The following UBE2H variants were observed in gnomAD, a reference collection of about 807,000 sequenced individuals.
UBE2H encodes the protein ubiquitin-conjugating enzyme E2 H.
Under a neutral mutation model 29.0 loss-of-function variants are expected in UBE2H, and 3 were observed. The observed-to-expected ratio is 0.10, with a 90% CI of 0.05 to 0.27. The LOEUF (loss-of-function observed/expected upper bound fraction) is 0.27, where lower values mean the gene tolerates loss of function less well. Among genes scored for constraint, UBE2H ranks in the 10% least tolerant of loss-of-function variants. The pLI is 1.00. For missense variants in UBE2H, 68 were observed against 228.2 expected, an observed-to-expected ratio of 0.30 and a Z score of 4.52; for synonymous variants, 69 against 82.9, an observed-to-expected ratio of 0.83 and a Z score of 0.91.
chr7:129,875,834 G>A lies in UBE2H; in HGVS notation c.205+3734C>T, dbSNP rs939045060. On this transcript the variant is annotated intron_variant, in intron 3 of 6. Transcript: ENST00000355621. ...TCAAAGGCTAAAAACTGTGAACCTC[G>A]AGAAGTGTGAGCTATGGCAGTCTCT... is the stretch of plus-strand genomic sequence containing the variant. Among the ~76,000 whole-genome samples the A allele has an allele frequency of 4.6e-5, 7 of 152,156 alleles. No homozygotes were observed. The East Asian group carries it at 5.8e-4, about 13-fold the overall frequency.
chr7:129,864,309 T>C (rs1471777752), intron 3 of UBE2H, among the ~76,000 whole-genome samples: 2 of 152,172 alleles, frequency 1.3e-5, no homozygotes, highest in African/African-American at 4.8e-5. Context: ...CAGGACTGTG[T>C]TGAGTTGGCC....
intron 1 of UBE2H, among the ~76,000 whole-genome samples, chr7:129,916,428 TAA>T (rs5741663): frequency 0.066 from 9,075 of 137,420 alleles, 339 homozygotes; most frequent in Non-Finnish European, 0.096. Flanking sequence ...TCTTCCCACT[TAA>T]AAAAAAAAAA....
At chr7:129,950,406 A>G (rs1167990023) in intron 1 of UBE2H, among the ~76,000 whole-genome samples, 3 of 152,104 alleles carry the variant, frequency 2.0e-5, no homozygotes, top group Non-Finnish European at 4.4e-5. Flanking sequence ...GAGAAAAAAA[A>G]GACACCCTGC....
intron 1 of UBE2H, among the ~76,000 whole-genome samples, chr7:129,894,673 G>C (rs866096066): frequency 1.3e-5 from 2 of 151,896 alleles, no homozygotes; most frequent in African/African-American, 4.8e-5. Context: ...ATTTTTAGTA[G>C]AGATGGGGTT....
chr7:129,911,188 C>T (rs1345916607), intron 1 of UBE2H, among the ~76,000 whole-genome samples: 1 of 151,992 alleles, frequency 6.6e-6, no homozygotes, highest in Admixed American at 6.6e-5. Flanking sequence ...CACGGTGGAA[C>T]CCTGTCTCTA....
intron 3 of UBE2H, among the ~76,000 whole-genome samples, chr7:129,863,808 G>GTTTTTTTTTTTGTTTT (rs1554432032): frequency 7.4e-6 from 1 of 136,042 alleles, no homozygotes; most frequent in Middle Eastern, 3.4e-3. Context: ...AATACTAGGT[G>GTTTTTTTTTTTGTTTT]TTTTTTTTTT....
Position 129,946,199 on chromosome 7 carries a change from C to T in UBE2H, c.53+6304G>A, listed in dbSNP as rs1187752726. 4.9e-4 allele frequency among the ~76,000 whole-genome samples: 74 copies of T among 150,808 alleles called. 1 individual carries two copies. The East Asian group carries it at 0.011, about 22-fold the overall frequency. ...TCCTGAGTAGCTGGGACTACAGGCGCCCGCCACCACGCCCGGCTAATTTTT... is the reference window on the plus strand; with the variant it reads ...TCCTGAGTAGCTGGGACTACAGGCGTCCGCCACCACGCCCGGCTAATTTTT... On this transcript the variant is annotated intron_variant, in intron 1 of 6. Transcript: ENST00000355621.
At chr7:129,872,488 A>G (rs1806058723) in intron 3 of UBE2H, among the ~76,000 whole-genome samples, 1 of 152,188 alleles carries the variant, frequency 6.6e-6, no homozygotes, top group Non-Finnish European at 1.5e-5. Flanking sequence ...ACAGTCTATT[A>G]TTCTGACAAT....
chr7:129,902,890 A>G (rs1335192048), intron 1 of UBE2H, among the ~76,000 whole-genome samples: 7 of 152,354 alleles, frequency 4.6e-5, no homozygotes, highest in Middle Eastern at 3.4e-3. Flanking sequence ...AGTGTCTTAC[A>G]TATGTTACAT....
Position 129,857,560 on chromosome 7 carries a change from T to C in UBE2H, c.249A>G (p.Ser83=), listed in dbSNP as rs1233184657. ...TAATTACATCTAGACACACAGTTCCTGACCTGAAACAGATGGAAAGAATGG... is the reference window on the plus strand; with the variant it reads ...TAATTACATCTAGACACACAGTTCCCGACCTGAAACAGATGGAAAGAATGG... ...KIFHPNIDEA[S]GTVCLDVINQ... Residue 83 remains serine (S), a synonymous_variant, in exon 5 of 7, where the codon TCA becomes TCG. Transcript: ENST00000355621. The C allele has an allele frequency of 3.1e-6, 5 of 1,611,492 alleles. No homozygotes were observed. The highest frequency in any genetic ancestry group is 1.7e-5 in the Admixed American group (1 of 59,616).
intron 1 of UBE2H, among the ~76,000 whole-genome samples, chr7:129,907,171 G>C (rs550201753): frequency 6.6e-6 from 1 of 151,916 alleles, no homozygotes; most frequent in South Asian, 2.1e-4. Context: ...AAACTCCGTT[G>C]TACGTTTCCT....
At chr7:129,861,558 T>C (rs1463717503) in intron 3 of UBE2H, among the ~76,000 whole-genome samples, 1 of 152,166 alleles carries the variant, frequency 6.6e-6, no homozygotes, top group African/African-American at 2.4e-5. Flanking sequence ...CAATGTGTAA[T>C]TTTAATAGTT....
intron 1 of UBE2H, among the ~76,000 whole-genome samples, chr7:129,944,748 A>ACACGCACG (rs1554441933): frequency 4.1e-4 from 58 of 140,152 alleles, no homozygotes; most frequent in Admixed American, 1.2e-3. Context: ...ACACACACAC[A>ACACGCACG]CACGCACGCA....
rs1807745614 is a variant in UBE2H at position 129,945,572 on chromosome 7, T to C, written c.53+6931A>G. On this transcript the variant is annotated intron_variant, in intron 1 of 6. Coordinates refer to ENST00000355621, the MANE Select transcript of UBE2H (RefSeq NM_003344.4). Reference sequence around the variant, plus strand: ...GGGCTCTGAGATTTTTAATTAAATATTTTAATTCAAATGTTTACCTTCTTT... The same window carrying C: ...GGGCTCTGAGATTTTTAATTAAATACTTTAATTCAAATGTTTACCTTCTTT... 2.0e-5 allele frequency among the ~76,000 whole-genome samples: 3 copies of C among 152,130 alleles called. 1 individual carries two copies. The highest frequency in any genetic ancestry group is 2.0e-4 in the Admixed American group (3 of 15,270).
intron 3 of UBE2H, among the ~76,000 whole-genome samples, chr7:129,869,894 T>C (rs1047538589): frequency 1.8e-4 from 28 of 152,054 alleles, no homozygotes; most frequent in Admixed American, 9.2e-4. Context: ...CCTACAATCT[T>C]CCCTTCCCCT....
chr7:129,905,737 A>C (rs1806802602), intron 1 of UBE2H, among the ~76,000 whole-genome samples: 1 of 152,222 alleles, frequency 6.6e-6, no homozygotes, highest in African/African-American at 2.4e-5. Context: ...TCTCAAGTTG[A>C]GTTATCCTGG....
chr7:129,901,588 T>C (rs780423069), intron 1 of UBE2H, among the ~76,000 whole-genome samples: 1 of 152,176 alleles, frequency 6.6e-6, no homozygotes, highest in African/African-American at 2.4e-5. Context: ...ATATCTGATA[T>C]TTCCAATCTA....
chr7:129,918,926 A>T (rs551791850), intron 1 of UBE2H, among the ~76,000 whole-genome samples: 2 of 152,144 alleles, frequency 1.3e-5, no homozygotes, highest in South Asian at 4.1e-4. Context: ...CTACAAAAAA[A>T]TACAAAATTT....
chr7:129,847,583 C>T (rs1805535137), intron 5 of UBE2H, among the ~76,000 whole-genome samples: 1 of 152,122 alleles, frequency 6.6e-6, no homozygotes, highest in Non-Finnish European at 1.5e-5. Context: ...CTCAAGTGAT[C>T]CTCTTCGCCT....
Sources: allele counts gnomAD v4.1 joint callset (sites outside exome capture counted in the v4.1 genomes callset), GRCh38; gene constraint gnomAD v4.1.1; transcripts MANE v1.5; gene names NCBI Gene and HGNC (gene_info 2026-07-23, HGNC 2026-07-21).